The following OSTN variants were observed in gnomAD, a reference collection of about 807,000 sequenced individuals.
The protein encoded by OSTN is osteocrin.
In OSTN, 9 loss-of-function variants were observed where a neutral mutation model predicts 12.0. That is an observed-to-expected ratio of 0.75 (90% CI 0.45 to 1.30). OSTN has a LOEUF of 1.30. Among genes scored for constraint, OSTN ranks in the 50% most tolerant of loss-of-function variants. The pLI is 0.00. For missense variants in OSTN, 148 were observed against 152.3 expected (o/e 0.97, Z 0.15); for synonymous variants, 59 against 56.9 (o/e 1.04, Z -0.16).
chr3:191,206,754 G>C (rs1714283598), intron 1 of OSTN, among the ~76,000 whole-genome samples: 1 of 152,220 alleles, frequency 6.6e-6, no homozygotes, highest in South Asian at 2.1e-4. Flanking sequence ...CACGACTCTT[G>C]CATCAGGTCT....
chr3:191,260,092 C>T lies in OSTN; in HGVS notation c.*13-2774C>T, dbSNP rs573549388. 1.8e-3 allele frequency among the ~76,000 whole-genome samples: 269 copies of T among 151,754 alleles called. 1 individual carries two copies. The highest frequency in any genetic ancestry group is 5.6e-3 in the African/African-American group (232 of 41,386). On this transcript the variant is annotated intron_variant, in intron 4 of 4. Transcript: ENST00000682035. ...GTCTCGATCTCTTGACCTCATGATCCGCCACCTCACCCTCCCAAAGTGCTG... is the reference window on the plus strand; with the variant it reads ...GTCTCGATCTCTTGACCTCATGATCTGCCACCTCACCCTCCCAAAGTGCTG...
chr3:191,252,217 G>A (rs115352213), intron 4 of OSTN, among the ~76,000 whole-genome samples: 98 of 152,154 alleles, frequency 6.4e-4, no homozygotes, highest in African/African-American at 2.1e-3. Flanking sequence ...GCGCCACCAC[G>A]CCCAGTTACT....
At chr3:191,226,154 T>C (rs1053320805) in intron 3 of OSTN, among the ~76,000 whole-genome samples, 8 of 152,026 alleles carry the variant, frequency 5.3e-5, no homozygotes, top group Admixed American at 1.3e-4. Flanking sequence ...TGTTAGCAAA[T>C]AGAATCCAAC....
intron 1 of OSTN, among the ~76,000 whole-genome samples, chr3:191,204,248 T>C (rs1265662162): frequency 6.6e-6 from 1 of 152,124 alleles, no homozygotes; most frequent in Non-Finnish European, 1.5e-5. Context: ...GCTTGCTCCT[T>C]TTTTTCAGGA....
chr3:191,257,458 C>G (rs1324956074), intron 4 of OSTN, among the ~76,000 whole-genome samples: 1 of 152,052 alleles, frequency 6.6e-6, no homozygotes, highest in Non-Finnish European at 1.5e-5. Flanking sequence ...TTTCTCACAG[C>G]ATCTCCCAGC....
rs572223448 is a variant in OSTN, at chr3:191,263,889, T to C, written c.*1036T>C. 3 of 152,290 alleles carry C rather than the reference T, an allele frequency of 2.0e-5. No homozygotes were observed. In the South Asian group the frequency reaches 6.2e-4, roughly 32 times the overall value. 9.4% of individuals were successfully genotyped at this position (152,290 alleles called of 1,614,324 possible). ...AAAACTCAGTTCTCAGTAATAACTA[T>C]GATGTTACTGTAGCTTGGACACATA... is the stretch of plus-strand genomic sequence containing the variant. On this transcript the variant is annotated 3_prime_UTR_variant, in exon 5 of 5. Transcript: ENST00000682035.
At chr3:191,255,597 A>T (rs555882633) in intron 4 of OSTN, among the ~76,000 whole-genome samples, 96 of 152,314 alleles carry the variant, frequency 6.3e-4, no homozygotes, top group African/African-American at 2.2e-3. Flanking sequence ...GAAACTAAAA[A>T]TGCTCACAAA....
intron 4 of OSTN, among the ~76,000 whole-genome samples, chr3:191,254,253 T>C (rs1270534356): frequency 6.6e-6 from 1 of 152,266 alleles, no homozygotes; most frequent in African/African-American, 2.4e-5. Flanking sequence ...GAGCAGTCTA[T>C]AGACTAGTTT....
intron 2 of OSTN, among the ~76,000 whole-genome samples, chr3:191,218,192 G>A (rs147933185): frequency 7.2e-5 from 11 of 152,270 alleles, no homozygotes; most frequent in South Asian, 4.1e-4. Flanking sequence ...AAAATGATCC[G>A]TAAATATGCT....
In OSTN at chr3:191,264,534, C is replaced by T. The variant is rs1381199905; in HGVS notation, c.*1681C>T. 1.3e-5 allele frequency: 2 copies of T among 152,006 alleles called. No individual in the cohort carries two copies. Among genetic ancestry groups the T allele is most frequent in the Non-Finnish European group, 2.9e-5 (2 of 67,958 alleles). The allele number at this position is 152,006 out of a possible 1,614,324, so 9.4% of individuals were successfully genotyped here. ...CCAAGAGAAGTGAATTTTGGGAAAT[C>T]TAACCAATTCTTTTTTTCATAAACT... On this transcript the variant is annotated 3_prime_UTR_variant, in exon 5 of 5. Transcript: ENST00000682035.
In OSTN at chr3:191,246,730, A is replaced by G. The variant is rs569859237; in HGVS notation, c.318-3307A>G. ...GAAGAAGAAGAGGAAGAAGAAGAAG[A>G]AGGAGGAGGAAGAGGAGAAGGAGGA... On this transcript the variant is annotated intron_variant, in intron 3 of 4. Transcript: ENST00000682035. Among the ~76,000 whole-genome samples the G allele has an allele frequency of 8.1e-5, 12 of 148,432 alleles. 2 individuals are homozygous for G. The highest frequency in any genetic ancestry group is 4.0e-4 in the East Asian group (2 of 4,986).
chr3:191,212,867 C>CTTTTTTTTTTTTTTTTTTTTTTTTTTT (rs397991965), intron 2 of OSTN, among the ~76,000 whole-genome samples: 1 of 93,080 alleles, frequency 1.1e-5, no homozygotes, highest in African/African-American at 4.0e-5. Context: ...TCTTTTCTTT[C>CTTTTTTTTTTTTTTTTTTTTTTTTTTT]TTTTTTTTTT....
At chr3:191,262,528 C>T (rs889511921) in intron 4 of OSTN, among the ~76,000 whole-genome samples, 6 of 152,134 alleles carry the variant, frequency 3.9e-5, no homozygotes, top group Middle Eastern at 3.4e-3. Flanking sequence ...TTGTTTGTCA[C>T]GGCAGTATCC....
At position 191,264,137 on chromosome 3, in the gene OSTN, G is replaced by A. The variant is rs1158020065; in HGVS notation, c.*1284G>A. On this transcript the variant is annotated 3_prime_UTR_variant, in exon 5 of 5. Coordinates refer to ENST00000682035, the MANE Select transcript of OSTN (RefSeq NM_198184.2). ...AGAGAGTGTTGTGAGTTGTGAGAAGGTGTCTTAATTTTAAAGGAAGAGGAG... is the reference window on the plus strand; with the variant it reads ...AGAGAGTGTTGTGAGTTGTGAGAAGATGTCTTAATTTTAAAGGAAGAGGAG... 1 of 152,088 alleles carries A rather than the reference G, an allele frequency of 6.6e-6. No homozygotes were observed. The highest frequency in any genetic ancestry group is 1.5e-5 in the Non-Finnish European group (1 of 67,980). 9.4% of individuals were successfully genotyped at this position (152,088 alleles called of 1,614,324 possible).
At chr3:191,215,719 T>C (rs1714591712) in intron 2 of OSTN, among the ~76,000 whole-genome samples, 1 of 152,196 alleles carries the variant, frequency 6.6e-6, no homozygotes, top group Admixed American at 6.5e-5. Flanking sequence ...ATGTCTCACA[T>C]CCAGGTCATG....
chr3:191,261,663 C>T (rs1036854467), intron 4 of OSTN, among the ~76,000 whole-genome samples: 2 of 152,170 alleles, frequency 1.3e-5, no homozygotes, highest in Non-Finnish European at 2.9e-5. Flanking sequence ...ATTTTGATTT[C>T]CATCACTAGT....
At chr3:191,254,794 A>G (rs955244802) in intron 4 of OSTN, among the ~76,000 whole-genome samples, 2 of 152,226 alleles carry the variant, frequency 1.3e-5, no homozygotes, top group Admixed American at 1.3e-4. Flanking sequence ...GTGATTGGCC[A>G]TACAAGGTCT....
chr3:191,241,742 C>G (rs1715327002), intron 3 of OSTN, among the ~76,000 whole-genome samples: 1 of 152,162 alleles, frequency 6.6e-6, no homozygotes. Flanking sequence ...CAACGAAGTG[C>G]TATTCTGTAA....
intron 4 of OSTN, among the ~76,000 whole-genome samples, chr3:191,257,093 G>A (rs1715689136): frequency 6.8e-6 from 1 of 146,412 alleles, no homozygotes; most frequent in Non-Finnish European, 1.5e-5. Context: ...GGCTGAGTTG[G>A]AAGGATCACT....
Sources: allele counts gnomAD v4.1 joint callset (sites outside exome capture counted in the v4.1 genomes callset), GRCh38; gene constraint gnomAD v4.1.1; transcripts MANE v1.5; gene names NCBI Gene and HGNC (gene_info 2026-07-23, HGNC 2026-07-21).